The following MKX variants were observed in gnomAD, a reference collection of about 807,000 sequenced individuals.
MKX encodes the protein mohawk homeobox, also known as homeobox protein Mohawk.
Under a neutral mutation model 36.0 loss-of-function variants are expected in MKX, and 13 were observed. The observed-to-expected ratio is 0.36, with a 90% confidence interval of 0.24 to 0.57. The LOEUF is 0.57. Among genes scored for constraint, MKX ranks in the 20% least tolerant of loss-of-function variants. The probability of loss-of-function intolerance (pLI) is 0.79; values close to 1 mark genes in which losing one functional copy is unlikely to be tolerated. For synonymous variants in MKX, 176 were observed against 178.3 expected (o/e 0.99, Z 0.10); for missense variants, 458 against 456.4 (o/e 1.00, Z -0.03).
rs537156899 is a variant in MKX, at chr10:27,673,221, A to C, written c.*2008T>G. ...TTTGGTATTAAAAAAAATCATGTGA[A>C]TAGTTGTCCTATATTGCCTTGTCAT... On this transcript the variant is annotated 3_prime_UTR_variant, in exon 7 of 7. Coordinates refer to ENST00000419761, the MANE Select transcript of MKX (RefSeq NM_173576.3). The C allele has an allele frequency of 4.6e-5, 7 of 152,206 alleles. No individual in the cohort carries two copies. Among genetic ancestry groups the C allele is most frequent in the Non-Finnish European group, 1.0e-4 (7 of 68,012 alleles). 9.4% of individuals were successfully genotyped at this position (152,206 alleles called of 1,614,324 possible).
intron 5 of MKX, among the ~76,000 whole-genome samples, chr10:27,703,688 C>G (rs1836700595): frequency 6.6e-6 from 1 of 152,094 alleles, no homozygotes; most frequent in Non-Finnish European, 1.5e-5. Flanking sequence ...CACTTGAGGT[C>G]AGGAGTTCAT....
chr10:27,715,453 G>T (rs1836946860), intron 5 of MKX, among the ~76,000 whole-genome samples: 1 of 152,210 alleles, frequency 6.6e-6, no homozygotes, highest in African/African-American at 2.4e-5. Context: ...AGATGAGGGT[G>T]CTACGTGGCT....
intron 5 of MKX, among the ~76,000 whole-genome samples, chr10:27,729,253 C>A (rs558003568): frequency 2.0e-5 from 3 of 151,060 alleles, no homozygotes; most frequent in African/African-American, 7.3e-5. Flanking sequence ...GCTGACAGAG[C>A]CATGGGGCTC....
chr10:27,719,994 AAGAG>A (rs1554773025), intron 5 of MKX, among the ~76,000 whole-genome samples: 14 of 147,148 alleles, frequency 9.5e-5, no homozygotes, highest in Non-Finnish European at 1.2e-4. Flanking sequence ...AAAAAAAAAA[AAGAG>A]AGAGAGAGAG....
At chr10:27,709,204 C>T (rs1350115903) in intron 5 of MKX, among the ~76,000 whole-genome samples, 3 of 151,648 alleles carry the variant, frequency 2.0e-5, no homozygotes, top group Non-Finnish European at 4.4e-5. Flanking sequence ...AACAATACAA[C>T]AAAAAATACA....
intron 5 of MKX, among the ~76,000 whole-genome samples, chr10:27,685,011 T>G (rs1836318001): frequency 6.6e-6 from 1 of 152,224 alleles, no homozygotes; most frequent in Non-Finnish European, 1.5e-5. Flanking sequence ...TTTGGTTAAA[T>G]GCCTGCAATG....
At chr10:27,710,143 C>A (rs1039113256) in intron 5 of MKX, among the ~76,000 whole-genome samples, 7 of 152,156 alleles carry the variant, frequency 4.6e-5, no homozygotes, top group Admixed American at 3.3e-4. Context: ...ACAAGTGAAC[C>A]ACTCTGTGGG....
intron 5 of MKX, among the ~76,000 whole-genome samples, chr10:27,703,065 CTT>C (rs1256330192): frequency 6.6e-6 from 1 of 152,140 alleles, no homozygotes; most frequent in Non-Finnish European, 1.5e-5. Flanking sequence ...TCAAAAAACA[CTT>C]TTTCTTTCCA....
At position 27,741,032 on chromosome 10, in the gene MKX, G is replaced by A. The variant is rs940920061; in HGVS notation, c.348+313C>T. On this transcript the variant is annotated intron_variant, in intron 3 of 6. Transcript: ENST00000419761. This position sits in a 1 kb window ranked among gnomAD's most constrained non-coding sequence, Gnocchi z 5.1. ...CCCAGACCTGCTGAATCCGAAACTC[G>A]GAGGTGGGGCCTAGCGATTCGTGTT... Among the ~76,000 whole-genome samples, 2 of 152,172 alleles carry A rather than the reference G, an allele frequency of 1.3e-5. No homozygotes were observed. Among genetic ancestry groups the A allele is most frequent in the Non-Finnish European group, 2.9e-5 (2 of 68,032 alleles).
chr10:27,711,429 C>CTCTTTCTTTCTT (rs749757379), intron 5 of MKX, among the ~76,000 whole-genome samples: 4 of 114,648 alleles, frequency 3.5e-5, no homozygotes, highest in African/African-American at 1.5e-4. Flanking sequence ...TCTTTCTTTT[C>CTCTTTCTTTCTT]TCTTTCTTTC....
rs150752299 is a variant in MKX, at chr10:27,742,427, C to T, written c.188+801G>A. 2.8e-3 allele frequency among the ~76,000 whole-genome samples: 432 copies of T among 152,280 alleles called. No individual in the cohort carries two copies. Among genetic ancestry groups the T allele is most frequent in the South Asian group, 4.8e-3 (23 of 4,834 alleles). ...GAAACGACTGGTAGTAACATTTTGA[C>T]GAAACCGAATCTCTGTTTTACTAAG... On this transcript the variant is annotated intron_variant, in intron 2 of 6. Coordinates refer to ENST00000419761, the MANE Select transcript of MKX (RefSeq NM_173576.3). The surrounding 1 kb of genome is among the most constrained non-coding windows in gnomAD (Gnocchi z 4.2).
chr10:27,694,571 T>C (rs1182793111), intron 5 of MKX, among the ~76,000 whole-genome samples: 1 of 147,692 alleles, frequency 6.8e-6, no homozygotes, highest in African/African-American at 2.5e-5. Flanking sequence ...GGCGGGCGCC[T>C]GTAGTCCCAG....
intron 5 of MKX, among the ~76,000 whole-genome samples, chr10:27,699,449 C>G (rs906674808): frequency 6.6e-6 from 1 of 152,134 alleles, no homozygotes; most frequent in Admixed American, 6.5e-5. Context: ...TATTGAAAAC[C>G]AAAAGTTAAT....
At chr10:27,688,622 A>G (rs894263917) in intron 5 of MKX, among the ~76,000 whole-genome samples, 2 of 152,242 alleles carry the variant, frequency 1.3e-5, no homozygotes, top group African/African-American at 2.4e-5. Flanking sequence ...CTAACTATGC[A>G]TGAATAACTT....
At position 27,674,636 on chromosome 10, in the gene MKX, G is replaced by T. The variant is rs563994143; in HGVS notation, c.*593C>A. The T allele has an allele frequency of 1.2e-4, 18 of 152,262 alleles. No individual in the cohort carries two copies. Among genetic ancestry groups the T allele is most frequent in the African/African-American group, 4.3e-4 (18 of 41,550 alleles). The allele number at this position is 152,262 out of a possible 1,614,324, so 9.4% of individuals were successfully genotyped here. A position where few individuals can be genotyped will look rare whatever the true frequency, so the allele number is the denominator to read the frequency against. On this transcript the variant is annotated 3_prime_UTR_variant, in exon 7 of 7. Coordinates refer to ENST00000419761, the MANE Select transcript of MKX (RefSeq NM_173576.3). ...TTAAATGTACAACGTTCTGTGGATC[G>T]CTGCACCTTGAATTTTGGAAGTTTG...
At chr10:27,709,493 G>C (rs962428646) in intron 5 of MKX, among the ~76,000 whole-genome samples, 10 of 152,170 alleles carry the variant, frequency 6.6e-5, no homozygotes, top group African/African-American at 2.4e-4. Context: ...AACATTTAAT[G>C]AGGCGAACAA....
rs1834888443 is a variant in MKX, at chr10:27,741,317, G to C, written c.348+28C>G. 29 of 1,608,788 alleles carry C rather than the reference G, an allele frequency of 1.8e-5. No homozygotes were observed. Among genetic ancestry groups the C allele is most frequent in the Non-Finnish European group, 2.5e-5 (29 of 1,178,108 alleles). ...CTCTTCAGCCCCTCGCGGGAAAACG[G>C]ATCAGGGTGTTAATGGGTCCTGATT... On this transcript the variant is annotated intron_variant, in intron 3 of 6. Coordinates refer to ENST00000419761, the MANE Select transcript of MKX (RefSeq NM_173576.3). This position sits in a 1 kb window ranked among gnomAD's most constrained non-coding sequence, Gnocchi z 5.1.
chr10:27,724,189 T>C (rs971848915), intron 5 of MKX, among the ~76,000 whole-genome samples: 1 of 152,072 alleles, frequency 6.6e-6, no homozygotes, highest in Non-Finnish European at 1.5e-5. Context: ...TGTGTGTATG[T>C]GTGTGTAATA....
At chr10:27,704,010 T>C (rs1170225032) in intron 5 of MKX, among the ~76,000 whole-genome samples, 2 of 152,192 alleles carry the variant, frequency 1.3e-5, no homozygotes, top group Admixed American at 6.5e-5. Flanking sequence ...TTTATGATGG[T>C]AGCAGAATAC....
Sources: gnomAD v4.1 joint callset for allele counts (sites outside exome capture counted in the v4.1 genomes callset) on GRCh38, gnomAD v4.1.1 for gene constraint, Gnocchi (gnomAD v3.1) non-coding constraint, MANE v1.5 for transcripts, NCBI Gene and HGNC (gene_info 2026-07-23, HGNC 2026-07-21) for gene names.